ABCC6: variants seen among roughly 807,000 people sequenced by gnomAD.
The protein encoded by ABCC6 is ATP binding cassette subfamily C member 6, also known as ATP-binding cassette sub-family C member 6.
In ABCC6, 126 loss-of-function variants were observed where a neutral mutation model predicts 169.5. The observed-to-expected ratio is 0.74, with a 90% CI of 0.64 to 0.86. The LOEUF (loss-of-function observed/expected upper bound fraction) is 0.86. ABCC6 is among the 40% of genes least tolerant of loss of function. ABCC6 has a pLI of 0.00. For missense variants in ABCC6, 1,733 were observed against 1,927.2 expected, an observed-to-expected ratio of 0.90 and a Z score of 1.89; for synonymous variants, 752 against 814.7, an observed-to-expected ratio of 0.92 and a Z score of 1.31.
chr16:16,177,654 C>G, intron 18 of ABCC6, 28 bp from the exon 19 acceptor site: 1 of 1,613,064 alleles, frequency 6.2e-7, no homozygotes, highest in Non-Finnish European at 8.5e-7. Context: ...AGAAGTTACA[C>G]ACATGTGGCC....
At chr16:16,188,640 C>T (rs1034726355) in intron 13 of ABCC6, among the ~76,000 whole-genome samples, 191 bp downstream of exon 13, 8 of 152,178 alleles carry the variant, frequency 5.3e-5, no homozygotes, top group Non-Finnish European at 7.4e-5. Flanking sequence ...TGACCCCTTC[C>T]AGATGTATTT....
intron 27 of ABCC6, chr16:16,155,301 C>G: frequency 1.7e-6 from 1 of 573,154 alleles, no homozygotes; most frequent in Middle Eastern, 2.8e-4. Context: ...TCCATCTTTC[C>G]TCATCCTTCT....
intron 23 of ABCC6, among the ~76,000 whole-genome samples, chr16:16,164,527 A>G (rs1467889543): frequency 6.6e-6 from 1 of 152,150 alleles, no homozygotes; most frequent in East Asian, 1.9e-4. Context: ...CAAAGGGCCA[A>G]TCAGAACCTT....
chr16:16,195,025 C>T (rs561621458), intron 10 of ABCC6, among the ~76,000 whole-genome samples: 4 of 152,180 alleles, frequency 2.6e-5, no homozygotes, highest in South Asian at 2.1e-4. Flanking sequence ...TTCATTTATG[C>T]GGCAATGGCG....
chr16:16,179,678 C>T (rs1249116765), intron 17 of ABCC6, among the ~76,000 whole-genome samples: 3 of 152,184 alleles, frequency 2.0e-5, no homozygotes, highest in East Asian at 3.8e-4. Context: ...GCAACCTCTG[C>T]CTCCTGGGTT....
chr16:16,192,877 G>C lies in ABCC6; in HGVS notation c.1384C>G (p.Leu462Val), dbSNP rs2047909361. Residue 462 changes from leucine (L) to valine (V), a missense_variant, in exon 11 of 31, where the codon CTC becomes GTC. Leu to Val is a conservative substitution (Grantham distance 32, BLOSUM62 1). This residue lies in a region of ABCC6 where 1,601 missense variants were observed against 1,635.5 expected (regional missense o/e 0.98). Transcript: ENST00000205557. The part of the protein sequence containing the change: ...ALTAIAVFLS[L>V]LPLNFFISKK... ...GAGATGAAGAAATTCAGAGGGAGGAGGCTCAGGAAGACAGCGATGGCAGTG... is the reference window on the plus strand; with the variant it reads ...GAGATGAAGAAATTCAGAGGGAGGACGCTCAGGAAGACAGCGATGGCAGTG... 6.2e-7 allele frequency: 1 copy of C among 1,614,162 alleles called. No homozygotes were observed. The highest frequency in any genetic ancestry group is 8.5e-7 in the Non-Finnish European group (1 of 1,180,040).
intron 7 of ABCC6, among the ~76,000 whole-genome samples, chr16:16,204,034 G>A (rs2048322419): frequency 6.6e-6 from 1 of 151,926 alleles, no homozygotes; most frequent in Non-Finnish European, 1.5e-5. Flanking sequence ...TGCCTCCAGA[G>A]CCCATGCACT....
At chr16:16,210,618 C>T (rs541237088) in intron 6 of ABCC6, among the ~76,000 whole-genome samples, 4 of 152,138 alleles carry the variant, frequency 2.6e-5, no homozygotes, top group Admixed American at 2.0e-4. Context: ...ACAGTTTATT[C>T]GAGTAAAAAA....
At chr16:16,209,185 G>A (rs1253311174) in intron 6 of ABCC6, among the ~76,000 whole-genome samples, 1 of 152,120 alleles carries the variant, frequency 6.6e-6, no homozygotes, top group African/African-American at 2.4e-5. Context: ...CCAGGTTCAA[G>A]CGATTCTCCC....
chr16:16,150,297 A>G (rs2046350830), intron 30 of ABCC6, 56 bp from the exon 31 acceptor site: 1 of 1,610,434 alleles, frequency 6.2e-7, no homozygotes, highest in South Asian at 1.1e-5. Context: ...GGCTCTCGGC[A>G]GCTGTGAGAG....
intron 13 of ABCC6, 110 bp downstream of exon 13, chr16:16,188,721 C>T (rs72777664): frequency 0.012 from 17,354 of 1,438,258 alleles, 136 homozygotes; most frequent in Middle Eastern, 0.024. Context: ...ATCCCTCTCC[C>T]TCCCACTCTG....
chr16:16,152,743 G>A (rs1368117857), intron 29 of ABCC6, among the ~76,000 whole-genome samples: 1 of 150,346 alleles, frequency 6.7e-6, no homozygotes, highest in Admixed American at 6.7e-5. Context: ...GTGTGGGGTG[G>A]GGGGCCTGGA....
chr16:16,178,270 T>A (rs1450882026), intron 18 of ABCC6, among the ~76,000 whole-genome samples: 1 of 151,814 alleles, frequency 6.6e-6, no homozygotes, highest in Non-Finnish European at 1.5e-5. Flanking sequence ...GAGCTTCCAG[T>A]GAGCGGAGAT....
intron 6 of ABCC6, among the ~76,000 whole-genome samples, chr16:16,211,067 C>G (rs1337265179): frequency 6.6e-6 from 1 of 150,700 alleles, no homozygotes. Flanking sequence ...TGCACTGCAG[C>G]CTGGGCAACA....
In ABCC6 at chr16:16,184,939, C is replaced by T; in HGVS notation, c.1943+20G>A. 6.2e-7 allele frequency: 1 copy of T among 1,606,904 alleles called. No homozygotes were observed. The highest frequency in any genetic ancestry group is 8.5e-7 in the Non-Finnish European group (1 of 1,173,346). ...CTCCCTAAAAACATGAGGCTGGTTA[C>T]TACGGGTGTCGTTCTGTACCTGTGG... On this transcript the variant is annotated intron_variant, in intron 15 of 30. Coordinates refer to ENST00000205557, the MANE Select transcript of ABCC6 (RefSeq NM_001171.6).
chr16:16,191,463 G>A (rs1261999637), intron 11 of ABCC6, among the ~76,000 whole-genome samples: 1 of 152,128 alleles, frequency 6.6e-6, no homozygotes, highest in Non-Finnish European at 1.5e-5. Flanking sequence ...TTTTAGAGGA[G>A]TCCACGCAGG....
chr16:16,186,293 C>T (rs2047652478), intron 14 of ABCC6, among the ~76,000 whole-genome samples: 2 of 152,262 alleles, frequency 1.3e-5, no homozygotes, highest in South Asian at 4.1e-4. Context: ...GATCAAAATG[C>T]TGTCATGCTT....
At chr16:16,154,589 T>G in intron 29 of ABCC6, 39 bp downstream of exon 29, 1 of 1,610,824 alleles carries the variant, frequency 6.2e-7, no homozygotes, top group African/African-American at 1.3e-5. Context: ...TCCCCTCCTC[T>G]CCCACCTGCA....
At chr16:16,158,020 GTTA>G (rs970168295) in intron 26 of ABCC6, among the ~76,000 whole-genome samples, 12 of 152,128 alleles carry the variant, frequency 7.9e-5, no homozygotes, top group African/African-American at 2.7e-4. Context: ...CTATTTTATT[GTTA>G]TTATTAGCCA....
Sources: allele counts gnomAD v4.1 joint callset (sites outside exome capture counted in the v4.1 genomes callset), GRCh38; gene constraint gnomAD v4.1.1; regional missense constraint gnomAD v4.1.1; transcripts MANE v1.5; gene names NCBI Gene and HGNC (gene_info 2026-07-23, HGNC 2026-07-21).